The following TAFA1 variants were observed in gnomAD, a reference collection of about 807,000 sequenced individuals.
The protein encoded by TAFA1 is TAFA chemokine like family member 1.
TAFA1 carries 4 observed loss-of-function variants against 18.5 expected under a neutral mutation model. The ratio of observed to expected loss-of-function variants is 0.22; its 90% CI spans 0.11 to 0.49. The LOEUF (loss-of-function observed/expected upper bound fraction) is 0.49, where lower values mean the gene tolerates loss of function less well. Ranked by LOEUF, TAFA1 falls within the 20% of genes least tolerant of loss-of-function variation. TAFA1 has a pLI of 0.98. For missense variants in TAFA1, 147 were observed against 169.0 expected (o/e 0.87, Z 0.72); for synonymous variants, 56 against 55.2 (o/e 1.01, Z -0.06).
chr3:68,128,548 C>G (rs2065499683), intron 2 of TAFA1, among the ~76,000 whole-genome samples: 2 of 152,168 alleles, frequency 1.3e-5, no homozygotes, highest in East Asian at 1.9e-4. Context: ...AAATCAGAAG[C>G]TTTATTTGTA....
At chr3:68,028,824 C>G (rs1374332578) in intron 2 of TAFA1, among the ~76,000 whole-genome samples, 1 of 151,530 alleles carries the variant, frequency 6.6e-6, no homozygotes, top group Non-Finnish European at 1.5e-5. Context: ...ACAATCATGT[C>G]TCACTGCAGG....
the TAFA1 span, among the ~76,000 whole-genome samples, chr3:67,994,789 A>T: frequency 6.6e-6 from 1 of 152,348 alleles, no homozygotes; most frequent in Admixed American, 6.5e-5. Flanking sequence ...GTCTTTTAGA[A>T]GATCCCTGAA....
chr3:68,199,861 G>T (rs999832883), intron 2 of TAFA1, among the ~76,000 whole-genome samples: 1 of 151,368 alleles, frequency 6.6e-6, no homozygotes, highest in African/African-American at 2.4e-5. Context: ...CATTAGCTAG[G>T]ACTTCCAGTA....
At chr3:68,109,036 A>G (rs1050527372) in intron 2 of TAFA1, among the ~76,000 whole-genome samples, 3 of 152,110 alleles carry the variant, frequency 2.0e-5, no homozygotes, top group South Asian at 2.1e-4. Context: ...GATGCATATA[A>G]TGAAGCTCTA....
At chr3:68,385,219 G>A (rs541459855) in intron 2 of TAFA1, among the ~76,000 whole-genome samples, 12 of 152,172 alleles carry the variant, frequency 7.9e-5, no homozygotes, top group East Asian at 7.7e-4. Context: ...AGACTATTAC[G>A]AGGAAGGTGG....
At chr3:68,166,663 C>T (rs1252931236) in intron 2 of TAFA1, among the ~76,000 whole-genome samples, 1 of 152,114 alleles carries the variant, frequency 6.6e-6, no homozygotes, top group Non-Finnish European at 1.5e-5. Flanking sequence ...CACACTCCTC[C>T]CTTGTGAAGC....
intron 2 of TAFA1, among the ~76,000 whole-genome samples, chr3:68,170,635 C>G (rs1452782488): frequency 6.6e-6 from 1 of 152,184 alleles, no homozygotes; most frequent in Non-Finnish European, 1.5e-5. Context: ...GCTTTAATCT[C>G]TGACTGGCAT....
At chr3:68,326,437 T>C (rs779292594) in intron 2 of TAFA1, among the ~76,000 whole-genome samples, 4 of 152,216 alleles carry the variant, frequency 2.6e-5, no homozygotes, top group Non-Finnish European at 4.4e-5. Context: ...TCACTGGTCA[T>C]ATCTGTGCCT....
At chr3:68,221,010 C>A (rs1259118044) in intron 2 of TAFA1, among the ~76,000 whole-genome samples, 1 of 152,210 alleles carries the variant, frequency 6.6e-6, no homozygotes, top group Non-Finnish European at 1.5e-5. Context: ...TGTTACAGCA[C>A]CCCTGTAGAA....
At chr3:68,059,059 G>C (rs116146601) in intron 2 of TAFA1, among the ~76,000 whole-genome samples, 1 of 152,208 alleles carries the variant, frequency 6.6e-6, no homozygotes, top group African/African-American at 2.4e-5. Flanking sequence ...TGATATCAAA[G>C]CACTTCTTTA....
chr3:68,544,816 T>C lies in TAFA1; in HGVS notation c.*313T>C, dbSNP rs2073431508. 2 of 155,698 alleles carry C rather than the reference T, an allele frequency of 1.3e-5. No homozygotes were observed. The highest frequency in any genetic ancestry group is 2.8e-5 in the Non-Finnish European group (2 of 71,126). 9.6% of individuals were successfully genotyped at this position (155,698 alleles called of 1,614,324 possible). A position where few individuals can be genotyped will look rare whatever the true frequency, so the allele number is the denominator to read the frequency against. ...TTGTACCATTTGAAATATATGTATA[T>C]ATATATATATAATATTTTGAAATAT... On this transcript the variant is annotated 3_prime_UTR_variant, in exon 5 of 5. Coordinates refer to ENST00000478136, the MANE Select transcript of TAFA1 (RefSeq NM_213609.4).
At chr3:68,377,829 G>A (rs749041634) in intron 2 of TAFA1, among the ~76,000 whole-genome samples, 1 of 152,140 alleles carries the variant, frequency 6.6e-6, no homozygotes, top group Non-Finnish European at 1.5e-5. Flanking sequence ...CTGCATCCCA[G>A]CTGCTCCAGC....
chr3:68,121,543 TA>T (rs1467668148), intron 2 of TAFA1, among the ~76,000 whole-genome samples: 2 of 152,186 alleles, frequency 1.3e-5, no homozygotes, highest in African/African-American at 4.8e-5. Flanking sequence ...TGTAGTTGAA[TA>T]AGAACAGAGT....
At chr3:68,499,013 T>A (rs1248278749) in intron 3 of TAFA1, among the ~76,000 whole-genome samples, 1 of 152,098 alleles carries the variant, frequency 6.6e-6, no homozygotes, top group Non-Finnish European at 1.5e-5. Flanking sequence ...TTTGCAACAG[T>A]CTTTTCCCTT....
At chr3:68,433,573 A>G (rs368329914) in intron 3 of TAFA1, among the ~76,000 whole-genome samples, 5 of 152,150 alleles carry the variant, frequency 3.3e-5, no homozygotes, top group African/African-American at 1.2e-4. Context: ...TCTTGTTCAC[A>G]GCTGCATGCC....
At chr3:68,190,771 A>G (rs1214096073) in intron 2 of TAFA1, among the ~76,000 whole-genome samples, 2 of 151,838 alleles carry the variant, frequency 1.3e-5, no homozygotes, top group African/African-American at 4.8e-5. Flanking sequence ...TTTTTTCTTA[A>G]AATATCTTTA....
chr3:68,114,114 A>G (rs1239120253), intron 2 of TAFA1, among the ~76,000 whole-genome samples: 1 of 152,064 alleles, frequency 6.6e-6, no homozygotes, highest in East Asian at 1.9e-4. Flanking sequence ...CATGTTGGCC[A>G]GGCTGGTCTG....
intron 2 of TAFA1, among the ~76,000 whole-genome samples, chr3:68,260,628 C>G (rs903631910): frequency 2.0e-5 from 3 of 151,946 alleles, no homozygotes; most frequent in African/African-American, 7.2e-5. Flanking sequence ...TATCTACAAC[C>G]ATCTGATCTT....
intron 2 of TAFA1, among the ~76,000 whole-genome samples, chr3:68,052,484 C>T (rs2064482969): frequency 6.6e-6 from 1 of 152,162 alleles, no homozygotes; most frequent in African/African-American, 2.4e-5. Flanking sequence ...AAGAAATCCT[C>T]TGAGAAGATA....
Sources: gnomAD v4.1 joint callset for allele counts (sites outside exome capture counted in the v4.1 genomes callset) on GRCh38, gnomAD v4.1.1 for gene constraint, MANE v1.5 for transcripts, NCBI Gene and HGNC (gene_info 2026-07-23, HGNC 2026-07-21) for gene names.